LRMDA: variants seen among roughly 807,000 people sequenced by gnomAD.
LRMDA encodes the protein leucine rich melanocyte differentiation associated.
Under a neutral mutation model 29.8 loss-of-function variants are expected in LRMDA, and 18 were observed. That is an observed-to-expected ratio of 0.60 (90% confidence interval 0.42 to 0.90). LRMDA has a LOEUF of 0.90. LRMDA is among the 40% of genes least tolerant of loss of function. LRMDA has a pLI of 0.00. For synonymous variants in LRMDA, 125 were observed against 109.4 expected, an observed-to-expected ratio of 1.14 and a Z score of -0.89; for missense variants, 273 against 273.9, an observed-to-expected ratio of 1.00 and a Z score of 0.02.
At chr10:75,752,905 C>G (rs2132221176) in intron 2 of LRMDA, among the ~76,000 whole-genome samples, 1 of 152,220 alleles carries the variant, frequency 6.6e-6, no homozygotes, top group South Asian at 2.1e-4. Flanking sequence ...ATGCATAGCC[C>G]CTTTCAGCTA....
At chr10:75,910,005 T>A (rs561876961) in intron 2 of LRMDA, among the ~76,000 whole-genome samples, 5 of 152,314 alleles carry the variant, frequency 3.3e-5, no homozygotes, top group African/African-American at 1.2e-4. Context: ...CAAGTTCTTC[T>A]TATGGTTTTC....
Position 76,324,469 on chromosome 10 carries a change from A to G in LRMDA, c.585A>G (p.Glu195=), listed in dbSNP as rs974667522. 6.2e-7 allele frequency: 1 copy of G among 1,612,976 alleles called. No individual in the cohort carries two copies. Among genetic ancestry groups the G allele is most frequent in the Non-Finnish European group, 8.5e-7 (1 of 1,179,742 alleles). Residue 195 remains glutamate (E), a synonymous_variant, in exon 6 of 7, where the codon GAA becomes GAG. Coordinates refer to ENST00000611255, the MANE Select transcript of LRMDA (RefSeq NM_001305581.2). ...CGCCCTTGCCTTCTGCTTCCAGGGA[A>G]CTCACCAGTCACCAAGGTTGGAACT... ...HYTPLPSASR[E]LTSHQGVLGK... is the part of the protein sequence containing the mutation.
At chr10:76,467,273 C>G (rs899358086) in intron 6 of LRMDA, among the ~76,000 whole-genome samples, 2 of 152,124 alleles carry the variant, frequency 1.3e-5, no homozygotes, top group Admixed American at 6.6e-5. Flanking sequence ...GATTTAAATA[C>G]TATTGGCCGA....
At chr10:76,429,343 A>T (rs1034556472) in intron 6 of LRMDA, among the ~76,000 whole-genome samples, 1 of 152,168 alleles carries the variant, frequency 6.6e-6, no homozygotes, top group Non-Finnish European at 1.5e-5. Flanking sequence ...TCATGCAGAT[A>T]ATATGATAAT....
At chr10:76,076,631 A>G (rs1848964645) in intron 5 of LRMDA, among the ~76,000 whole-genome samples, 1 of 152,024 alleles carries the variant, frequency 6.6e-6, no homozygotes, top group South Asian at 2.1e-4. Flanking sequence ...AGTGAAAGTG[A>G]GATCGAACTT....
chr10:75,693,955 G>A (rs1842201878), intron 2 of LRMDA, among the ~76,000 whole-genome samples: 1 of 152,086 alleles, frequency 6.6e-6, no homozygotes, highest in Admixed American at 6.6e-5. Context: ...TACCCCAAAA[G>A]CTTTTTTGTT....
intron 2 of LRMDA, among the ~76,000 whole-genome samples, chr10:75,590,020 ATTTT>A (rs35499338): frequency 7.3e-6 from 1 of 136,870 alleles, no homozygotes. Flanking sequence ...GAAGATGATG[ATTTT>A]TTTTTTTTTT....
intron 5 of LRMDA, among the ~76,000 whole-genome samples, chr10:76,093,078 C>CAGAGTCCCGCTCTATCG (rs1849256452): frequency 1.3e-5 from 2 of 151,748 alleles, no homozygotes; most frequent in African/African-American, 4.8e-5. Flanking sequence ...GCTCTTGTTG[C>CAGAGTCCCGCTCTATCG]CCAGGCTGGA....
intron 2 of LRMDA, among the ~76,000 whole-genome samples, chr10:75,968,083 G>C (rs566683419): frequency 6.6e-6 from 1 of 152,048 alleles, no homozygotes; most frequent in Non-Finnish European, 1.5e-5. Flanking sequence ...TGGTGAGGGA[G>C]GGGGCTTGTT....
intron 6 of LRMDA, among the ~76,000 whole-genome samples, chr10:76,531,368 TC>T (rs1394315710): frequency 1.3e-5 from 2 of 152,194 alleles, no homozygotes; most frequent in African/African-American, 2.4e-5. Flanking sequence ...CCATCTTTTT[TC>T]TAGTGGAGGA....
intron 2 of LRMDA, among the ~76,000 whole-genome samples, chr10:75,976,269 A>G (rs1847068273): frequency 6.6e-6 from 1 of 152,240 alleles, no homozygotes; most frequent in Admixed American, 6.5e-5. Flanking sequence ...TCATCTTAGA[A>G]TCTTTAACAA....
At chr10:76,016,021 C>T (rs1170022573) in intron 2 of LRMDA, among the ~76,000 whole-genome samples, 1 of 152,170 alleles carries the variant, frequency 6.6e-6, no homozygotes, top group South Asian at 2.1e-4. Context: ...GGCATATAAT[C>T]ATATATTGCT....
intron 6 of LRMDA, among the ~76,000 whole-genome samples, chr10:76,380,537 C>T (rs373180087): frequency 4.6e-4 from 70 of 151,696 alleles, no homozygotes; most frequent in African/African-American, 1.5e-3. Context: ...GGCGTGGTGG[C>T]GGGCGCCTGT....
Position 75,708,760 on chromosome 10 carries a change from C to G in LRMDA, c.131+270266C>G, listed in dbSNP as rs185815228. On this transcript the variant is annotated intron_variant, in intron 2 of 6. Transcript: ENST00000611255. ...AAAGGAACATCCTGCAACTTTGGAA[C>G]GAGCAAGGGTTTCTAAATTAGTGGT... Among the ~76,000 whole-genome samples the G allele has an allele frequency of 2.6e-3, 397 of 152,320 alleles. 1 individual carries two copies. The highest frequency in any genetic ancestry group is 9.1e-3 in the African/African-American group (377 of 41,564).
chr10:76,315,571 T>G (rs1045363820), intron 5 of LRMDA, among the ~76,000 whole-genome samples: 22 of 151,966 alleles, frequency 1.4e-4, no homozygotes, highest in Non-Finnish European at 1.0e-4. Flanking sequence ...CCCTGCTGCC[T>G]TGGCCCCCTC....
At chr10:76,046,454 G>A (rs978018113) in intron 3 of LRMDA, among the ~76,000 whole-genome samples, 2 of 151,840 alleles carry the variant, frequency 1.3e-5, no homozygotes, top group Non-Finnish European at 2.9e-5. Context: ...ATTTTAATGA[G>A]GCCTTCTGAA....
intron 5 of LRMDA, among the ~76,000 whole-genome samples, chr10:76,070,192 T>C (rs1417235430): frequency 6.6e-6 from 1 of 152,228 alleles, no homozygotes; most frequent in African/African-American, 2.4e-5. Flanking sequence ...ACAAGGACTC[T>C]TTTTGTGGCA....
chr10:75,645,459 G>C (rs149032380), intron 2 of LRMDA, among the ~76,000 whole-genome samples: 24 of 152,240 alleles, frequency 1.6e-4, no homozygotes, highest in Admixed American at 3.9e-4. Flanking sequence ...CAGAGAGGAG[G>C]GTGGGTTGGT....
At chr10:75,752,876 T>C (rs2132221143) in intron 2 of LRMDA, among the ~76,000 whole-genome samples, 1 of 152,338 alleles carries the variant, frequency 6.6e-6, no homozygotes, top group East Asian at 1.9e-4. Context: ...CTGAGACCAA[T>C]TCGAGTCTGA....
Sources: gnomAD v4.1 joint callset for allele counts (sites outside exome capture counted in the v4.1 genomes callset) on GRCh38, gnomAD v4.1.1 for gene constraint, MANE v1.5 for transcripts, NCBI Gene and HGNC (gene_info 2026-07-23, HGNC 2026-07-21) for gene names.